FCHSD2: variants seen among roughly 807,000 people sequenced by gnomAD.
The protein encoded by FCHSD2 is FCH and double SH3 domains 2.
In FCHSD2, 38 loss-of-function variants were observed where a neutral mutation model predicts 108.1. The observed-to-expected ratio is 0.35, with a 90% CI of 0.27 to 0.46. FCHSD2 has a LOEUF of 0.46. Among genes scored for constraint, FCHSD2 ranks in the 20% least tolerant of loss-of-function variants. The pLI is 1.00. For missense variants in FCHSD2, 751 were observed against 897.8 expected (o/e 0.84, Z 2.09); for synonymous variants, 279 against 314.7 (o/e 0.89, Z 1.20).
At chr11:73,028,892 C>T (rs1438424226) in intron 3 of FCHSD2, among the ~76,000 whole-genome samples, 1 of 152,150 alleles carries the variant, frequency 6.6e-6, no homozygotes, top group Non-Finnish European at 1.5e-5. Context: ...TTCCCCTTTG[C>T]CTTCTGCCAT....
chr11:73,029,233 C>T (rs571498872), intron 3 of FCHSD2, among the ~76,000 whole-genome samples: 26 of 152,222 alleles, frequency 1.7e-4, no homozygotes, highest in African/African-American at 6.0e-4. Context: ...ACAAAAGATA[C>T]GGAAACCACT....
intron 8 of FCHSD2, among the ~76,000 whole-genome samples, chr11:72,966,362 G>A (rs1856907033): frequency 6.6e-6 from 1 of 152,092 alleles, no homozygotes; most frequent in Admixed American, 6.6e-5. Context: ...GTTTCGTCAT[G>A]TTGGCCAGGC....
At chr11:72,867,773 T>A (rs780564428) in intron 13 of FCHSD2, 92 bp downstream of exon 13, 1 of 1,078,574 alleles carries the variant, frequency 9.3e-7, no homozygotes, top group South Asian at 1.8e-5. Context: ...ATTATCTTTT[T>A]AAAAAATTTT....
chr11:72,943,460 G>A (rs747417682), intron 8 of FCHSD2, among the ~76,000 whole-genome samples: 1 of 152,136 alleles, frequency 6.6e-6, no homozygotes, highest in Non-Finnish European at 1.5e-5. Context: ...GAAAAAGACA[G>A]CACAGAACAA....
intron 4 of FCHSD2, among the ~76,000 whole-genome samples, chr11:73,013,601 C>T (rs1050847425): frequency 6.6e-6 from 1 of 152,128 alleles, no homozygotes; most frequent in South Asian, 2.1e-4. Context: ...TAACCTGAGA[C>T]CTGGTTTCCT....
chr11:73,087,274 T>C (rs554238596), intron 2 of FCHSD2, among the ~76,000 whole-genome samples: 167 of 152,152 alleles, frequency 1.1e-3, no homozygotes, highest in Non-Finnish European at 2.1e-3. Flanking sequence ...ATAAAGAAAA[T>C]ATTTTTATAC....
intron 2 of FCHSD2, among the ~76,000 whole-genome samples, chr11:73,117,931 A>C (rs1860642063): frequency 6.6e-6 from 1 of 152,208 alleles, no homozygotes; most frequent in African/African-American, 2.4e-5. Context: ...CTTTTTATGT[A>C]AAACTACTTA....
chr11:72,992,439 C>T lies in FCHSD2; in HGVS notation c.388-3342G>A, dbSNP rs1443377214. Reference sequence around the variant, plus strand: ...GTTCATATGGAACCAAAAAAGAGCCCGCATTGCCAAGTCAATCCTAAGCCA... The same window carrying T: ...GTTCATATGGAACCAAAAAAGAGCCTGCATTGCCAAGTCAATCCTAAGCCA... On this transcript the variant is annotated intron_variant, in intron 5 of 19. Coordinates refer to ENST00000409418, the MANE Select transcript of FCHSD2 (RefSeq NM_014824.3). Among the ~76,000 whole-genome samples, 11 of 152,106 alleles carry T rather than the reference C, an allele frequency of 7.2e-5. No individual in the cohort carries two copies. In the East Asian group the frequency reaches 1.2e-3, roughly 16 times the overall value.
intron 3 of FCHSD2, 27 bp downstream of exon 3, chr11:73,083,668 G>A (rs1240916097): frequency 3.4e-6 from 5 of 1,481,286 alleles, no homozygotes; most frequent in Non-Finnish European, 4.6e-6. Flanking sequence ...AGTATACCTA[G>A]AATGGGACCT....
chr11:73,065,957 C>T (rs1053512276), intron 3 of FCHSD2, among the ~76,000 whole-genome samples: 1 of 152,062 alleles, frequency 6.6e-6, no homozygotes, highest in Non-Finnish European at 1.5e-5. Context: ...CAATGCTATC[C>T]CCATCAAGCT....
intron 8 of FCHSD2, among the ~76,000 whole-genome samples, chr11:72,976,362 G>A (rs1857104092): frequency 1.3e-5 from 2 of 152,124 alleles, no homozygotes; most frequent in Admixed American, 6.6e-5. Flanking sequence ...CAGGATCATA[G>A]CTCACTGTAG....
In FCHSD2 at chr11:73,001,026, C is replaced by A; in HGVS notation, c.351G>T (p.Arg117Ser). 1 of 1,611,498 alleles carries A rather than the reference C, an allele frequency of 6.2e-7. No individual in the cohort carries two copies. Among genetic ancestry groups the A allele is most frequent in the Non-Finnish European group, 8.5e-7 (1 of 1,178,780 alleles). Residue 117 changes from arginine to serine, a missense_variant, in exon 5 of 20, where the codon AGG becomes AGT. Arg to Ser is a moderately radical substitution (Grantham distance 110, BLOSUM62 -1). Transcript: ENST00000409418. ...NYKNFISEPA[R>S]TVRSLKEQQL... is the part of the protein sequence containing the mutation. The stretch of plus-strand genomic sequence containing the variant: ...GCTGTTCTTTTAAGCTTCTCACTGT[C>A]CTTGCAGGCTCAGAAATGAAGTTTT...
chr11:72,962,980 C>T (rs1034247040), intron 8 of FCHSD2, among the ~76,000 whole-genome samples: 4 of 152,146 alleles, frequency 2.6e-5, no homozygotes, highest in South Asian at 2.1e-4. Context: ...TACCACTTAA[C>T]TGCTTACCTG....
chr11:73,081,648 TC>T (rs1859689277), intron 3 of FCHSD2, among the ~76,000 whole-genome samples: 1 of 151,990 alleles, frequency 6.6e-6, no homozygotes, highest in African/African-American at 2.4e-5. Flanking sequence ...TGCCTCAGCC[TC>T]CCCACTAGCT....
chr11:73,100,654 T>C (rs1335062416), intron 2 of FCHSD2, among the ~76,000 whole-genome samples: 2 of 152,036 alleles, frequency 1.3e-5, no homozygotes, highest in Non-Finnish European at 2.9e-5. Context: ...TGAGCCACCG[T>C]GATCGGCCTA....
intron 12 of FCHSD2, among the ~76,000 whole-genome samples, chr11:72,882,502 C>T (rs941070769): frequency 6.6e-5 from 10 of 152,010 alleles, no homozygotes; most frequent in African/African-American, 2.2e-4. Context: ...AGCAGGGTGA[C>T]TAGTTAATAA....
chr11:72,900,764 G>A (rs977281290), intron 10 of FCHSD2, among the ~76,000 whole-genome samples: 1 of 151,872 alleles, frequency 6.6e-6, no homozygotes, highest in Non-Finnish European at 1.5e-5. Context: ...GCTGCTAACA[G>A]AGCTACTTAA....
At chr11:72,908,246 T>TG (rs1358420396) in intron 9 of FCHSD2, among the ~76,000 whole-genome samples, 57 of 152,244 alleles carry the variant, frequency 3.7e-4, no homozygotes, top group African/African-American at 1.3e-3. Context: ...TACTCCATTG[T>TG]GTATATATAC....
intron 2 of FCHSD2, among the ~76,000 whole-genome samples, chr11:73,112,104 T>A (rs1746470832): frequency 6.6e-6 from 1 of 152,240 alleles, no homozygotes; most frequent in Non-Finnish European, 1.5e-5. Context: ...TTTAGATAAT[T>A]TCTTATTGCC....
Sources: allele counts gnomAD v4.1 joint callset (sites outside exome capture counted in the v4.1 genomes callset), GRCh38; gene constraint gnomAD v4.1.1; transcripts MANE v1.5; gene names NCBI Gene and HGNC (gene_info 2026-07-23, HGNC 2026-07-21).